Variants in PTPRD observed in about 807,000 individuals in gnomAD.
The protein encoded by PTPRD is protein tyrosine phosphatase receptor type D, also known as receptor-type tyrosine-protein phosphatase delta.
In PTPRD, 34 loss-of-function variants were observed where a neutral mutation model predicts 214.5. The observed-to-expected ratio is 0.16, with a 90% confidence interval of 0.12 to 0.21. The LOEUF is 0.21. Among genes scored for constraint, PTPRD ranks in the 10% least tolerant of loss-of-function variants. PTPRD has a pLI of 1.00. For synonymous variants in PTPRD, 1,128 were observed against 845.7 expected (o/e 1.33, Z -5.79); for missense variants, 2,545 against 2,398.7 (o/e 1.06, Z -1.27).
chr9:9,451,968 GAGAT>G (rs571196931), intron 8 of PTPRD, among the ~76,000 whole-genome samples: 457 of 151,396 alleles, frequency 3.0e-3, no homozygotes, highest in Middle Eastern at 6.8e-3. Context: ...TTTCTAGAAA[GAGAT>G]AGCAAAAAGA....
chr9:9,592,375 C>T (rs555858945), intron 7 of PTPRD, among the ~76,000 whole-genome samples: 6 of 152,110 alleles, frequency 3.9e-5, no homozygotes, highest in Admixed American at 2.0e-4. Context: ...AACACACTGT[C>T]GTTGTGTTTC....
At chr9:9,169,453 T>G (rs2099910382) in intron 10 of PTPRD, among the ~76,000 whole-genome samples, 1 of 152,088 alleles carries the variant, frequency 6.6e-6, no homozygotes, top group African/African-American at 2.4e-5. Context: ...TTTTCTTCAG[T>G]TTGCAATGCT....
chr9:9,479,842 A>G (rs1269120554), intron 8 of PTPRD, among the ~76,000 whole-genome samples: 1 of 152,172 alleles, frequency 6.6e-6, no homozygotes, highest in East Asian at 1.9e-4. Flanking sequence ...TCAAGTAAGT[A>G]TAATGTCAAT....
chr9:8,934,487 A>G (rs2098980769), intron 11 of PTPRD, among the ~76,000 whole-genome samples: 1 of 9,742 alleles, frequency 1.0e-4, no homozygotes, highest in Admixed American at 1.8e-3. Flanking sequence ...AAATATATAT[A>G]TATATAAATA....
At chr9:9,559,041 G>T (rs955347396) in intron 8 of PTPRD, among the ~76,000 whole-genome samples, 1 of 152,184 alleles carries the variant, frequency 6.6e-6, no homozygotes, top group Non-Finnish European at 1.5e-5. Flanking sequence ...GTCCGGGGGG[G>T]TAGCTATCCA....
chr9:8,474,582 C>T (rs550132720), intron 30 of PTPRD, among the ~76,000 whole-genome samples: 10 of 152,168 alleles, frequency 6.6e-5, no homozygotes, highest in South Asian at 2.1e-4. Flanking sequence ...GCCTTCAACA[C>T]GGCCTGGCAA....
At chr9:10,436,950 A>T (rs2098722447) in intron 2 of PTPRD, among the ~76,000 whole-genome samples, 1 of 151,808 alleles carries the variant, frequency 6.6e-6, no homozygotes. Flanking sequence ...ACATGTGCCA[A>T]CTTGTCAGTT....
chr9:9,054,655 G>C (rs1470227483), intron 10 of PTPRD, among the ~76,000 whole-genome samples: 1 of 152,086 alleles, frequency 6.6e-6, no homozygotes, highest in African/African-American at 2.4e-5. Flanking sequence ...AACCTGTTTT[G>C]AGCTTGGAAC....
chr9:9,236,279 A>G (rs1320095392), intron 9 of PTPRD, among the ~76,000 whole-genome samples: 1 of 152,136 alleles, frequency 6.6e-6, no homozygotes, highest in Non-Finnish European at 1.5e-5. Context: ...ATACACAAAT[A>G]AGGAACAAAA....
chr9:9,627,651 T>A (rs996912409), intron 7 of PTPRD, among the ~76,000 whole-genome samples: 8 of 152,180 alleles, frequency 5.3e-5, no homozygotes, highest in African/African-American at 1.9e-4. Context: ...TTCTTCCTAT[T>A]TTTTCTAATA....
intron 3 of PTPRD, among the ~76,000 whole-genome samples, chr9:10,067,240 G>T (rs1178583294): frequency 6.6e-6 from 1 of 151,804 alleles, no homozygotes; most frequent in Non-Finnish European, 1.5e-5. Context: ...TTTATCTCCT[G>T]TTACTTCAGT....
intron 5 of PTPRD, among the ~76,000 whole-genome samples, chr9:9,801,051 ATT>A (rs1199284064): frequency 1.3e-5 from 2 of 152,140 alleles, no homozygotes; most frequent in Non-Finnish European, 2.9e-5. Context: ...TTTATTATTT[ATT>A]TATTTGCATT....
intron 11 of PTPRD, among the ~76,000 whole-genome samples, chr9:9,010,367 A>T (rs2099505179): frequency 6.6e-6 from 1 of 152,168 alleles, no homozygotes; most frequent in Non-Finnish European, 1.5e-5. Context: ...ATGCTATAGG[A>T]TATTCCATTC....
intron 26 of PTPRD, among the ~76,000 whole-genome samples, chr9:8,495,932 T>C (rs2097255619): frequency 6.6e-6 from 1 of 152,202 alleles, no homozygotes; most frequent in Non-Finnish European, 1.5e-5. Flanking sequence ...CACTCTAATA[T>C]TGAAGAGTTA....
At chr9:8,583,094 T>C (rs1264907852) in intron 14 of PTPRD, among the ~76,000 whole-genome samples, 1 of 152,174 alleles carries the variant, frequency 6.6e-6, no homozygotes, top group African/African-American at 2.4e-5. Flanking sequence ...CCACCTCAGA[T>C]CATAAGGCAT....
chr9:8,430,897 C>T (rs2095002504), intron 35 of PTPRD, among the ~76,000 whole-genome samples: 3 of 152,122 alleles, frequency 2.0e-5, no homozygotes, highest in Non-Finnish European at 4.4e-5. Context: ...TTAAGATTAC[C>T]TCCTTGGTGT....
At chr9:8,649,576 T>C (rs540929614) in intron 12 of PTPRD, among the ~76,000 whole-genome samples, 1 of 152,242 alleles carries the variant, frequency 6.6e-6, no homozygotes, top group Non-Finnish European at 1.5e-5. Context: ...TGATGTTTGA[T>C]TGTATTTACT....
intron 3 of PTPRD, among the ~76,000 whole-genome samples, chr9:10,293,500 C>T (rs189751632): frequency 7.8e-4 from 118 of 151,908 alleles, no homozygotes; most frequent in African/African-American, 2.5e-3. Flanking sequence ...AAGTAAAACA[C>T]GTAGGATATT....
chr9:9,019,278 AAAG>A (rs1269682175), intron 10 of PTPRD, among the ~76,000 whole-genome samples: 10 of 145,254 alleles, frequency 6.9e-5, no homozygotes, highest in Non-Finnish European at 1.1e-4. Context: ...AAAGAAAAAG[AAAG>A]AAGAAAGAAA....
Sources: allele counts gnomAD v4.1 joint callset (sites outside exome capture counted in the v4.1 genomes callset), GRCh38; gene constraint gnomAD v4.1.1; transcripts MANE v1.5; gene names NCBI Gene and HGNC (gene_info 2026-07-23, HGNC 2026-07-21).